Variants in RAB40C observed in about 807,000 individuals in gnomAD.
The protein encoded by RAB40C is RAB40C, member RAS oncogene family, also known as ras-related protein Rab-40C.
Under a neutral mutation model 28.1 loss-of-function variants are expected in RAB40C, and 8 were observed. That is an observed-to-expected ratio of 0.28 (90% CI 0.17 to 0.51). RAB40C has a LOEUF of 0.51. Among genes scored for constraint, RAB40C ranks in the 20% least tolerant of loss-of-function variants. The probability of loss-of-function intolerance (pLI) is 0.97; values close to 1 mark genes in which losing one functional copy is unlikely to be tolerated. For synonymous variants in RAB40C, 201 were observed against 171.7 expected, an observed-to-expected ratio of 1.17 and a Z score of -1.34; for missense variants, 288 against 405.9, an observed-to-expected ratio of 0.71 and a Z score of 2.50.
intron 3 of RAB40C, among the ~76,000 whole-genome samples, chr16:619,909 G>A (rs1439401636): frequency 6.6e-6 from 1 of 152,248 alleles, no homozygotes; most frequent in Admixed American, 6.5e-5. Context: ...AAGGACGCCA[G>A]GGCGGGCTGG....
rs60094426 is a variant in RAB40C, at chr16:601,815, T to TAAAAAAAAA, written c.142+11404_142+11412dup. Reference sequence around the variant, plus strand: ...AAGGCCCTATCCCTGCAAAAAAAAGTAAAAAAAAAAAAAAAAAAAAAAAAA... The same window carrying TAAAAAAAAA: ...AAGGCCCTATCCCTGCAAAAAAAAGTAAAAAAAAAAAAAAAAAAAAAAAAAAAAAAAAAA... On this transcript the variant is annotated intron_variant, in intron 1 of 5. Transcript: ENST00000248139. 1.5e-3 allele frequency among the ~76,000 whole-genome samples: 42 copies of TAAAAAAAAA among 27,200 alleles called. 3 individuals carry two copies. Among genetic ancestry groups the TAAAAAAAAA allele is most frequent in the South Asian group, 3.3e-3 (2 of 606 alleles). 17.8% of individuals were successfully genotyped at this position (27,200 alleles called of 152,430 possible). A position where few individuals can be genotyped will look rare whatever the true frequency, so the allele number is the denominator to read the frequency against.
chr16:592,759 G>C (rs1340775843), intron 1 of RAB40C, among the ~76,000 whole-genome samples: 1 of 152,258 alleles, frequency 6.6e-6, no homozygotes, highest in Non-Finnish European at 1.5e-5. Flanking sequence ...GGACATGAAG[G>C]CGTGCTTCTG....
intron 1 of RAB40C, among the ~76,000 whole-genome samples, chr16:591,529 T>C (rs2035997404): frequency 6.6e-6 from 1 of 152,198 alleles, no homozygotes; most frequent in African/African-American, 2.4e-5. Flanking sequence ...CGCTTTGTGC[T>C]AGAAGAAAAT....
At chr16:608,274 C>G (rs895283854) in intron 1 of RAB40C, among the ~76,000 whole-genome samples, 1 of 152,164 alleles carries the variant, frequency 6.6e-6, no homozygotes, top group Non-Finnish European at 1.5e-5. Flanking sequence ...CTCACCCGCA[C>G]AAAAACAGCA....
At chr16:626,853 G>A (rs1269694792) in intron 5 of RAB40C, among the ~76,000 whole-genome samples, 1 of 152,226 alleles carries the variant, frequency 6.6e-6, no homozygotes, top group Non-Finnish European at 1.5e-5. Context: ...CAGGAGAATC[G>A]CTTGAACCCA....
At chr16:620,850 C>T (rs932460748) in intron 3 of RAB40C, among the ~76,000 whole-genome samples, 6 of 151,704 alleles carry the variant, frequency 4.0e-5, no homozygotes, top group South Asian at 2.1e-4. Context: ...CGGGCTCCAC[C>T]GCAGGCATCC....
intron 1 of RAB40C, among the ~76,000 whole-genome samples, chr16:608,019 C>T (rs1007187847): frequency 6.6e-6 from 1 of 152,122 alleles, no homozygotes; most frequent in East Asian, 1.9e-4. Context: ...TCCCTCCACA[C>T]GTTCCTGGGC....
At chr16:616,329 A>G (rs897514989) in intron 1 of RAB40C, among the ~76,000 whole-genome samples, 2 of 138,628 alleles carry the variant, frequency 1.4e-5, no homozygotes, top group Admixed American at 1.6e-4. Context: ...CCGGAGAAGC[A>G]GCATTTTATT....
intron 1 of RAB40C, among the ~76,000 whole-genome samples, chr16:592,532 C>T (rs959742098): frequency 6.6e-6 from 1 of 152,226 alleles, no homozygotes; most frequent in African/African-American, 2.4e-5. Context: ...GCCCCTGCAC[C>T]TGCCGCCTCC....
chr16:617,468 CG>C (rs1464243824), intron 2 of RAB40C, among the ~76,000 whole-genome samples, 200 bp downstream of exon 2: 1 of 152,200 alleles, frequency 6.6e-6, no homozygotes, highest in Non-Finnish European at 1.5e-5. Context: ...CTAGAGATCG[CG>C]GCTCCCCTCC....
Position 610,060 on chromosome 16 carries a change from A to G in RAB40C, c.143-7148A>G, listed in dbSNP as rs141711846. On this transcript the variant is annotated intron_variant, in intron 1 of 5. Coordinates refer to ENST00000248139, the MANE Select transcript of RAB40C (RefSeq NM_021168.5). The surrounding 1 kb of genome is among the most constrained non-coding windows in gnomAD (Gnocchi z 4.6). The stretch of plus-strand genomic sequence containing the variant: ...GGCTCGGGTGCCAGGCCAGGGCCAG[A>G]TGTAGCCTCATACCAGCCCAGCTGG... 6.0e-3 allele frequency among the ~76,000 whole-genome samples: 910 copies of G among 152,326 alleles called. 5 individuals are homozygous for G. The highest frequency in any genetic ancestry group is 8.2e-3 in the Non-Finnish European group (556 of 68,032).
Position 622,991 on chromosome 16 carries a change from C to T in RAB40C, c.265-2441C>T, listed in dbSNP as rs117109351. Reference sequence around the variant, plus strand: ...CACTCCGTGGTCATTTGGGTCCCTGCGGCCTCACTGTGACCCACGCCGGAG... The same window carrying T: ...CACTCCGTGGTCATTTGGGTCCCTGTGGCCTCACTGTGACCCACGCCGGAG... On this transcript the variant is annotated intron_variant, in intron 3 of 5. Transcript: ENST00000248139. Among the ~76,000 whole-genome samples the T allele has an allele frequency of 1.1e-3, 167 of 152,240 alleles. 1 individual carries two copies. The East Asian group carries it at 0.03, about 27-fold the overall frequency.
intron 1 of RAB40C, among the ~76,000 whole-genome samples, chr16:614,688 C>T (rs1191946035): frequency 6.6e-6 from 1 of 151,950 alleles, no homozygotes; most frequent in East Asian, 1.9e-4. Context: ...CGATGGTGAA[C>T]TGCCTAACTC....
chr16:625,919 G>C lies in RAB40C; in HGVS notation c.363G>C (p.Arg121=), dbSNP rs200805464. 1.3e-5 allele frequency: 21 copies of C among 1,612,922 alleles called. No individual in the cohort carries two copies. In the African/African-American group the frequency reaches 2.5e-4, roughly 19 times the overall value. The change falls in exon 5 of 6, where the codon CGG becomes CGC. Residue 121 remains arginine (R), a synonymous_variant. Transcript: ENST00000248139. ...EIDEHAPGVP[R]ILVGNRLHLA... ...CCCAGCATGCACCCGGAGTCCCCCG[G>C]ATCTTGGTTGGAAACCGGCTGCACC...
chr16:603,588 C>A (rs866816040), intron 1 of RAB40C, among the ~76,000 whole-genome samples: 5 of 152,144 alleles, frequency 3.3e-5, no homozygotes, highest in Non-Finnish European at 4.4e-5. Context: ...CAGATCAATG[C>A]CCTGTGGGTT....
At chr16:608,813 C>T (rs377743317) in intron 1 of RAB40C, among the ~76,000 whole-genome samples, 60 of 152,156 alleles carry the variant, frequency 3.9e-4, no homozygotes, top group African/African-American at 1.2e-3. Flanking sequence ...GTGGAGGTTG[C>T]CATGAGCCAA....
chr16:627,574 C>G lies in RAB40C; in HGVS notation c.798C>G (p.Pro266=). The G allele has an allele frequency of 6.2e-7, 1 of 1,610,810 alleles. No homozygotes were observed. The highest frequency in any genetic ancestry group is 8.5e-7 in the Non-Finnish European group (1 of 1,178,076). ...AGAGGTCCAAGTCCATCCGTCCACC[C>G]CAGAGCCCCCCCCAGAACTGCTCGC... ...SLKRSKSIRP[P]QSPPQNCSRS... is the part of the protein sequence containing the mutation. The change falls in exon 6 of 6, where the codon CCC becomes CCG. Residue 266 remains proline (P), a synonymous_variant. Transcript: ENST00000248139.
At position 627,353 on chromosome 16, in the gene RAB40C, C is replaced by G; in HGVS notation, c.577C>G (p.Gln193Glu). The change falls in exon 6 of 6, where the codon CAG becomes GAG. Residue 193 changes from glutamine to glutamate, a missense_variant. Transcript: ENST00000248139. ...IWRPNRVFSL[Q>E]DLCCRAIVSC... is the part of the protein sequence containing the mutation. ...CCTCTGCCCCACAGTGTTCAGCCTG[C>G]AGGACCTCTGCTGCCGGGCCATCGT... 1 of 1,612,964 alleles carries G rather than the reference C, an allele frequency of 6.2e-7. No individual in the cohort carries two copies. Among genetic ancestry groups the G allele is most frequent in the African/African-American group, 1.3e-5 (1 of 75,056 alleles).
Position 628,621 on chromosome 16 carries a change from CCCT to C in RAB40C, c.*1004_*1006del, listed in dbSNP as rs891637904. On this transcript the variant is annotated 3_prime_UTR_variant, in exon 6 of 6. Transcript: ENST00000248139. ...ACCTGGGGGCCTCGGGAGGCTAGGC[CCCT>C]CCTCAAAGGCCCACCAGCCCGGCGC... 4 of 152,540 alleles carry C rather than the reference CCCT, an allele frequency of 2.6e-5. No individual in the cohort carries two copies. The highest frequency in any genetic ancestry group is 9.6e-5 in the African/African-American group (4 of 41,464). The allele number at this position is 152,540 out of a possible 1,614,324, so 9.4% of individuals were successfully genotyped here.
Sources: gnomAD v4.1 joint callset for allele counts (sites outside exome capture counted in the v4.1 genomes callset) on GRCh38, gnomAD v4.1.1 for gene constraint, Gnocchi (gnomAD v3.1) non-coding constraint, MANE v1.5 for transcripts, NCBI Gene and HGNC (gene_info 2026-07-23, HGNC 2026-07-21) for gene names.